Variants in HS3ST4 observed in about 807,000 individuals in gnomAD.
HS3ST4 encodes the protein heparan sulfate glucosamine 3-O-sulfotransferase 4.
In HS3ST4, 17 loss-of-function variants were observed where a neutral mutation model predicts 29.2. The observed-to-expected ratio is 0.58, with a 90% CI of 0.40 to 0.87. The LOEUF is 0.87. HS3ST4 is among the 40% of genes least tolerant of loss of function. The pLI, the probability that HS3ST4 is intolerant of heterozygous loss-of-function variation, is 0.00. For missense variants in HS3ST4, 627 were observed against 634.5 expected (o/e 0.99, Z 0.13); for synonymous variants, 314 against 285.7 (o/e 1.10, Z -1.00).
chr16:26,046,364 T>G (rs1013712625), intron 1 of HS3ST4, among the ~76,000 whole-genome samples: 7 of 152,122 alleles, frequency 4.6e-5, no homozygotes, highest in African/African-American at 1.7e-4. Context: ...TTGGCCAGGC[T>G]GGTCCCGAAC....
rs554683540 is a variant in HS3ST4 at position 26,066,362 on chromosome 16, G to A, written c.735-69250G>A. 5.3e-5 allele frequency among the ~76,000 whole-genome samples: 8 copies of A among 152,278 alleles called. No individual in the cohort carries two copies. In the South Asian group the frequency reaches 8.3e-4, roughly 16 times the overall value. ...GAGGTGGGAGGAACGGTATTCTCTC[G>A]CAAGAGAGATGGAACATTTTAATGA... On this transcript the variant is annotated intron_variant, in intron 1 of 1. Transcript: ENST00000331351.
chr16:25,692,733 G>T lies in HS3ST4; in HGVS notation c.316G>T (p.Ala106Ser). The stretch of plus-strand genomic sequence containing the variant: ...GCCCGCGCCGCCGCCGCTGGACAAC[G>T]CGAGCCACGGGGAGCCGCCCGAGCC... ...QPPAPPPLDN[A>S]SHGEPPEPPE... is the part of the protein sequence containing the mutation. Residue 106 changes from alanine (A) to serine (S), a missense_variant, in exon 1 of 2, where the codon GCG (alanine) becomes TCG (serine). Ala to Ser is a moderately conservative substitution (Grantham distance 99). Around this residue, in one of 2 missense-constraint regions of HS3ST4, gnomAD observed 402 missense variants for 340.8 expected, o/e 1.18. Transcript: ENST00000331351. 2.3e-6 allele frequency: 3 copies of T among 1,276,840 alleles called. No homozygotes were observed. Among genetic ancestry groups the T allele is most frequent in the African/African-American group, 1.6e-5 (1 of 64,164 alleles). The allele number at this position is 1,276,840 out of a possible 1,614,324, so 79.1% of individuals were successfully genotyped here. A position where few individuals can be genotyped will look rare whatever the true frequency, so the allele number is the denominator to read the frequency against.
intron 1 of HS3ST4, among the ~76,000 whole-genome samples, chr16:26,089,278 T>C (rs189526557): frequency 6.6e-4 from 101 of 152,308 alleles, no homozygotes; most frequent in Admixed American, 4.1e-3. Context: ...ATTGTGAAGG[T>C]TGACTTCTTC....
At chr16:25,810,911 G>GA (rs936924602) in intron 1 of HS3ST4, among the ~76,000 whole-genome samples, 2 of 151,798 alleles carry the variant, frequency 1.3e-5, no homozygotes, top group Non-Finnish European at 2.9e-5. Flanking sequence ...AAACTCAGGA[G>GA]AAAAAAAATG....
intron 1 of HS3ST4, among the ~76,000 whole-genome samples, chr16:25,736,094 G>A (rs1966607376): frequency 6.6e-6 from 1 of 152,132 alleles, no homozygotes; most frequent in Non-Finnish European, 1.5e-5. Flanking sequence ...TCTGTCCTAG[G>A]CTAGGTTTTC....
At chr16:26,089,439 C>T (rs560450793) in intron 1 of HS3ST4, among the ~76,000 whole-genome samples, 171 of 152,176 alleles carry the variant, frequency 1.1e-3, no homozygotes, top group Non-Finnish European at 2.1e-3. Context: ...AAACAGGAGC[C>T]GTAGAGATTA....
intron 1 of HS3ST4, among the ~76,000 whole-genome samples, chr16:25,857,968 C>CTTTCTT: frequency 3.9e-5 from 2 of 50,774 alleles, no homozygotes; most frequent in South Asian, 7.4e-4. Context: ...TTCTTTCTTT[C>CTTTCTT]TTTCTCTTTT....
intron 1 of HS3ST4, among the ~76,000 whole-genome samples, chr16:25,793,814 T>A (rs528571842): frequency 7.9e-5 from 12 of 151,992 alleles, no homozygotes; most frequent in Admixed American, 7.2e-4. Flanking sequence ...TTTTTTACCT[T>A]TTTACAGTTT....
chr16:25,823,856 G>A (rs143809617), intron 1 of HS3ST4, among the ~76,000 whole-genome samples: 22 of 152,294 alleles, frequency 1.4e-4, no homozygotes, highest in East Asian at 1.4e-3. Context: ...AAGCCACTGC[G>A]CCTGGCCTAA....
Position 25,692,828 on chromosome 16 carries a change from C to A in HS3ST4, c.411C>A (p.Asp137Glu), listed in dbSNP as rs1263012153. The A allele has an allele frequency of 7.9e-6, 11 of 1,391,856 alleles. No individual in the cohort carries two copies. Among genetic ancestry groups the A allele is most frequent in the African/African-American group, 1.5e-5 (1 of 65,632 alleles). 86.2% of individuals were successfully genotyped at this position (1,391,856 alleles called of 1,614,324 possible). A position where few individuals can be genotyped will look rare whatever the true frequency, so the allele number is the denominator to read the frequency against. Residue 137 changes from aspartate to glutamate, a missense_variant, in exon 1 of 2, where the codon GAC (aspartate) becomes GAA (glutamate). By Grantham distance (45) the Asp-to-Glu change is conservative. Coordinates refer to ENST00000331351, the MANE Select transcript of HS3ST4 (RefSeq NM_006040.3). Reference protein sequence around the residue: ...GLPSGGGGAQDAWLRTPLAPS... With the variant: ...GLPSGGGGAQEAWLRTPLAPS... ...CGAGCGGCGGCGGAGGCGCCCAGGA[C>A]GCCTGGCTCCGGACCCCGCTGGCCC...
At chr16:26,083,575 G>A (rs1261447643) in intron 1 of HS3ST4, among the ~76,000 whole-genome samples, 1 of 152,156 alleles carries the variant, frequency 6.6e-6, no homozygotes, top group Non-Finnish European at 1.5e-5. Context: ...GGTGTAAAGT[G>A]AAACTGGCCA....
At chr16:25,986,924 G>A (rs528801443) in intron 1 of HS3ST4, among the ~76,000 whole-genome samples, 22 of 152,330 alleles carry the variant, frequency 1.4e-4, no homozygotes, top group African/African-American at 5.3e-4. Context: ...CATTAACAGG[G>A]AAACATAAGC....
chr16:26,114,450 A>G (rs1899175685), intron 1 of HS3ST4, among the ~76,000 whole-genome samples: 1 of 152,208 alleles, frequency 6.6e-6, no homozygotes, highest in Admixed American at 6.5e-5. Context: ...AGCATCTGGA[A>G]AAGTCATGGG....
chr16:26,085,110 GCTTTCTGGAGA>G, intron 1 of HS3ST4, among the ~76,000 whole-genome samples: 2 of 152,274 alleles, frequency 1.3e-5, no homozygotes, highest in East Asian at 1.9e-4. Context: ...TGCTCAACCG[GCTTTCTGGAGA>G]CTTTCTGGAG....
At chr16:26,041,665 C>T (rs1371125477) in intron 1 of HS3ST4, among the ~76,000 whole-genome samples, 1 of 151,628 alleles carries the variant, frequency 6.6e-6, no homozygotes, top group African/African-American at 2.4e-5. Flanking sequence ...ACTTGGCTGT[C>T]GAGACATAGA....
chr16:26,106,411 C>T (rs1384718473), intron 1 of HS3ST4, among the ~76,000 whole-genome samples: 1 of 152,096 alleles, frequency 6.6e-6, no homozygotes, highest in Admixed American at 6.5e-5. Flanking sequence ...TTTATTTGAT[C>T]CTAATAAATG....
chr16:25,715,451 G>A (rs1190286514), intron 1 of HS3ST4, among the ~76,000 whole-genome samples: 1 of 152,008 alleles, frequency 6.6e-6, no homozygotes, highest in Non-Finnish European at 1.5e-5. Flanking sequence ...ATTACCATGA[G>A]ATGAAAGAAA....
At chr16:26,116,079 A>T (rs913671301) in intron 1 of HS3ST4, among the ~76,000 whole-genome samples, 1 of 152,194 alleles carries the variant, frequency 6.6e-6, no homozygotes, top group Non-Finnish European at 1.5e-5. Context: ...GCCAGGGCCA[A>T]CATCTCATCT....
chr16:25,990,197 G>A (rs7196918), intron 1 of HS3ST4, among the ~76,000 whole-genome samples: 28,725 of 152,158 alleles, frequency 0.19, 2,817 homozygotes, highest in South Asian at 0.22. Context: ...TTGGCAATTA[G>A]TGCTTTAGCT....
Sources: allele counts gnomAD v4.1 joint callset (sites outside exome capture counted in the v4.1 genomes callset), GRCh38; gene constraint gnomAD v4.1.1; regional missense constraint gnomAD v4.1.1; transcripts MANE v1.5; gene names NCBI Gene and HGNC (gene_info 2026-07-23, HGNC 2026-07-21).